CELF6: variants seen among roughly 807,000 people sequenced by gnomAD.
CELF6 encodes CUGBP Elav-like family member 6, also known as Bruno -like 6, RNA binding protein.
Under a neutral mutation model 53.1 loss-of-function variants are expected in CELF6, and 32 were observed. That is an observed-to-expected ratio of 0.60 (90% CI 0.46 to 0.81). The LOEUF is 0.81. Ranked by LOEUF, CELF6 falls within the 30% of genes least tolerant of loss-of-function variation. CELF6 has a pLI of 0.00. For missense variants in CELF6, 539 were observed against 669.5 expected (o/e 0.81, Z 2.15); for synonymous variants, 291 against 288.8 (o/e 1.01, Z -0.08).
In CELF6 at chr15:72,288,944, G is replaced by A. The variant is rs1420886148; in HGVS notation, c.1031-14C>T. ...CGGGGCTCTGGGCTGGGGAGAGAGGGGCGCGAGGCCCACAGTGAAGGCAAG... is the reference window on the plus strand; with the variant it reads ...CGGGGCTCTGGGCTGGGGAGAGAGGAGCGCGAGGCCCACAGTGAAGGCAAG... On this transcript the variant is annotated splice_polypyrimidine_tract_variant and intron_variant, in intron 8 of 12. Transcript: ENST00000287202. This position sits in a 1 kb window ranked among gnomAD's most constrained non-coding sequence, Gnocchi z 4.6. 1 of 1,549,164 alleles carries A rather than the reference G, an allele frequency of 6.5e-7. No individual in the cohort carries two copies. Among genetic ancestry groups the A allele is most frequent in the Non-Finnish European group, 8.7e-7 (1 of 1,146,042 alleles).
At chr15:72,292,257 T>C in intron 3 of CELF6, 2 of 1,534,810 alleles carry the variant, frequency 1.3e-6, no homozygotes, top group Non-Finnish European at 1.7e-6. Flanking sequence ...GATCATCCTG[T>C]TCAGGAGCCT....
chr15:72,289,910 C>A lies in CELF6; in HGVS notation c.603+29G>T. The A allele has an allele frequency of 6.5e-7, 1 of 1,544,320 alleles. No individual in the cohort carries two copies. Reference sequence around the variant, plus strand: ...AAGCCCGTCCCCACCCCACTGGCCTCACCCTCAGCCCAGGGAACCCGCCCT... The same window carrying A: ...AAGCCCGTCCCCACCCCACTGGCCTAACCCTCAGCCCAGGGAACCCGCCCT... On this transcript the variant is annotated intron_variant, in intron 5 of 12. Coordinates refer to ENST00000287202, the MANE Select transcript of CELF6 (RefSeq NM_052840.5). This position sits in a 1 kb window ranked among gnomAD's most constrained non-coding sequence, Gnocchi z 7.6.
At chr15:72,314,020 G>A (rs527373640) in intron 2 of CELF6, among the ~76,000 whole-genome samples, 2 of 152,236 alleles carry the variant, frequency 1.3e-5, no homozygotes, top group East Asian at 3.9e-4. Flanking sequence ...GCTAGTGAGT[G>A]GTGGGCCTGG....
intron 3 of CELF6, among the ~76,000 whole-genome samples, chr15:72,298,863 T>G (rs2088112040): frequency 6.6e-6 from 1 of 152,176 alleles, no homozygotes; most frequent in Non-Finnish European, 1.5e-5. Context: ...CTGAGGGATT[T>G]GGGGATCCTT....
At chr15:72,306,080 G>T in intron 2 of CELF6, 3 of 984,632 alleles carry the variant, frequency 3.0e-6, no homozygotes, top group Non-Finnish European at 3.6e-6. Context: ...TCAATATATC[G>T]CCCCCACATC....
Position 72,319,818 on chromosome 15 carries a change from AC to A in CELF6, c.56del (p.Gly19ValfsTer11), listed in dbSNP as rs2088405836. The A allele has an allele frequency of 1.9e-6, 3 of 1,550,398 alleles. No homozygotes were observed. Among genetic ancestry groups the A allele is most frequent in the Non-Finnish European group, 1.7e-6 (2 of 1,146,582 alleles). ...AQPAGPGPRLGFSTADSGVGM... is the reference protein window; with the variant it reads ...AQPAGPGPRLXFSTADSGVGM... ...CGACGCCGCTGTCCGCGGTGCTGAA[AC>A]CCAGGCGCGGGCCGGGGCCAGCGGG... On this transcript the variant is annotated frameshift_variant, in exon 1 of 13. Transcript: ENST00000287202. LOFTEE classifies it high-confidence loss of function. This position sits in a 1 kb window ranked among gnomAD's most constrained non-coding sequence, Gnocchi z 5.0.
In CELF6 at chr15:72,289,823, C is replaced by T; in HGVS notation, c.604-53G>A. 6.8e-7 allele frequency: 1 copy of T among 1,468,870 alleles called. No individual in the cohort carries two copies. The highest frequency in any genetic ancestry group is 1.3e-5 in the South Asian group (1 of 74,222). 91.0% of individuals were successfully genotyped at this position (1,468,870 alleles called of 1,614,324 possible). A position where few individuals can be genotyped will look rare whatever the true frequency, so the allele number is the denominator to read the frequency against. ...ACCGGTCCTGACCCTGGCCCCGGCCCGGGGCCGAGCGCCTTTCCCATCAGG... is the reference window on the plus strand; with the variant it reads ...ACCGGTCCTGACCCTGGCCCCGGCCTGGGGCCGAGCGCCTTTCCCATCAGG... On this transcript the variant is annotated intron_variant, in intron 5 of 12. Transcript: ENST00000287202. The surrounding 1 kb of genome is among the most constrained non-coding windows in gnomAD (Gnocchi z 7.6).
intron 2 of CELF6, among the ~76,000 whole-genome samples, chr15:72,305,118 T>A (rs1328621533): frequency 6.6e-6 from 1 of 152,192 alleles, no homozygotes; most frequent in Non-Finnish European, 1.5e-5. Flanking sequence ...TGGACTTACT[T>A]AAAGGCTTTG....
At chr15:72,297,030 T>C (rs1366218067) in intron 3 of CELF6, among the ~76,000 whole-genome samples, 4 of 152,230 alleles carry the variant, frequency 2.6e-5, no homozygotes, top group African/African-American at 9.6e-5. Flanking sequence ...AATAATTTTA[T>C]ATATTTATGG....
chr15:72,319,479 G>T lies in CELF6; in HGVS notation c.262+134C>A, dbSNP rs2088400179. On this transcript the variant is annotated intron_variant, in intron 1 of 12. Coordinates refer to ENST00000287202, the MANE Select transcript of CELF6 (RefSeq NM_052840.5). This position sits in a 1 kb window ranked among gnomAD's most constrained non-coding sequence, Gnocchi z 5.0. ...GAAAATTCTGTGATCTGGGAAGGGG[G>T]CTGGGCTGAGGTGGGGCTGATATTG... 2.1e-6 allele frequency: 2 copies of T among 949,144 alleles called. No individual in the cohort carries two copies. Among genetic ancestry groups the T allele is most frequent in the Non-Finnish European group, 3.0e-6 (2 of 658,068 alleles). The allele number at this position is 949,144 out of a possible 1,614,324, so 58.8% of individuals were successfully genotyped here.
chr15:72,287,155 A>G, intron 12 of CELF6, 82 bp downstream of exon 12: 1 of 1,369,700 alleles, frequency 7.3e-7, no homozygotes, highest in Non-Finnish European at 1.0e-6. Flanking sequence ...GGGTGCCTCC[A>G]AGGTCCCAAA....
At position 72,319,966 on chromosome 15, in the gene CELF6, G is replaced by A. The variant is rs2088408765; in HGVS notation, c.-92C>T. 6 of 1,360,976 alleles carry A rather than the reference G, an allele frequency of 4.4e-6. No individual in the cohort carries two copies. Among genetic ancestry groups the A allele is most frequent in the East Asian group, 5.9e-5 (2 of 34,052 alleles). The allele number at this position is 1,360,976 out of a possible 1,614,324, so 84.3% of individuals were successfully genotyped here. ...ACCGGTGGCGAGGGCCAGGGGGAGGGGGCGGAGCCCGGGCGGAGAGGGCGG... is the reference window on the plus strand; with the variant it reads ...ACCGGTGGCGAGGGCCAGGGGGAGGAGGCGGAGCCCGGGCGGAGAGGGCGG... On this transcript the variant is annotated 5_prime_UTR_variant, in exon 1 of 13. Coordinates refer to ENST00000287202, the MANE Select transcript of CELF6 (RefSeq NM_052840.5). This position sits in a 1 kb window ranked among gnomAD's most constrained non-coding sequence, Gnocchi z 5.0.
At chr15:72,315,172 CTGT>C in intron 2 of CELF6, among the ~76,000 whole-genome samples, 1 of 152,336 alleles carries the variant, frequency 6.6e-6, no homozygotes, top group Non-Finnish European at 1.5e-5. Context: ...GAAAACAAGG[CTGT>C]ATAGTATGAC....
At chr15:72,290,387 T>C (rs775967985) in intron 3 of CELF6, 132 bp from the exon 4 acceptor site, 432 of 1,119,366 alleles carry the variant, frequency 3.9e-4, no homozygotes, top group Non-Finnish European at 5.1e-4. Context: ...GCCCTGGGCT[T>C]CCAGGGTTGG....
intron 2 of CELF6, among the ~76,000 whole-genome samples, chr15:72,314,208 G>C (rs12907707): frequency 0.012 from 1,863 of 152,336 alleles, 20 homozygotes; most frequent in East Asian, 0.026. Context: ...GGCGAAGCTT[G>C]CTCCATTGCT....
chr15:72,289,692 C>A lies in CELF6; in HGVS notation c.682G>T (p.Gly228Cys). ...RALRRMQQMA[G>C]HLGAFHPAPL... ...GCGGGGTGGAAGGCGCCCAGGTGGC[C>A]GGCCATCTGCTGCATCCGCCGCAGC... The change falls in exon 6 of 13, where the codon GGC becomes TGC. Residue 228 changes from glycine to cysteine, a missense_variant. Physicochemically the swap from Gly to Cys is radical, Grantham distance 159. Around this residue, in one of 3 missense-constraint regions of CELF6, gnomAD observed 358 missense variants for 412.8 expected, o/e 0.87. Transcript: ENST00000287202. This position sits in a 1 kb window ranked among gnomAD's most constrained non-coding sequence, Gnocchi z 7.6. The A allele has an allele frequency of 6.7e-7, 1 of 1,487,198 alleles. No homozygotes were observed. Among genetic ancestry groups the A allele is most frequent in the Non-Finnish European group, 8.9e-7 (1 of 1,128,682 alleles). The allele number at this position is 1,487,198 out of a possible 1,614,324, so 92.1% of individuals were successfully genotyped here. A position where few individuals can be genotyped will look rare whatever the true frequency, so the allele number is the denominator to read the frequency against.
chr15:72,315,874 C>T lies in CELF6; in HGVS notation c.316G>A (p.Ala106Thr), dbSNP rs749172851. ...ARDSALKAQS[A>T]LHEQKTLPGM... is the part of the protein sequence containing the mutation. ...GGCAGGGTCTTCTGCTCGTGCAGTG[C>T]ACTCTGGGCCTTGAGAGCAGAGTCC... The change falls in exon 2 of 13, where the codon GCA (alanine) becomes ACA (threonine). Residue 106 changes from alanine to threonine, a missense_variant. This residue lies in a region of CELF6 where 97 missense variants were observed against 168.8 expected (regional missense o/e 0.57). Transcript: ENST00000287202. 2 of 1,606,898 alleles carry T rather than the reference C, an allele frequency of 1.2e-6. No homozygotes were observed. Among genetic ancestry groups the T allele is most frequent in the East Asian group, 2.2e-5 (1 of 44,702 alleles).
chr15:72,295,896 C>T (rs2088071618), intron 3 of CELF6, among the ~76,000 whole-genome samples: 1 of 152,082 alleles, frequency 6.6e-6, no homozygotes, highest in Non-Finnish European at 1.5e-5. Flanking sequence ...ATAGAAAAAT[C>T]CATCCTAAAA....
At chr15:72,311,155 T>C (rs1399154152) in intron 2 of CELF6, among the ~76,000 whole-genome samples, 1 of 151,908 alleles carries the variant, frequency 6.6e-6, no homozygotes, top group Non-Finnish European at 1.5e-5. Flanking sequence ...TATTTATTTA[T>C]TTTTATTTTG....
Sources: gnomAD v4.1 joint callset for allele counts (sites outside exome capture counted in the v4.1 genomes callset) on GRCh38, gnomAD v4.1.1 for gene constraint, gnomAD v4.1.1 regional missense constraint, Gnocchi (gnomAD v3.1) non-coding constraint, MANE v1.5 for transcripts, NCBI Gene and HGNC (gene_info 2026-07-23, HGNC 2026-07-21) for gene names.